The following USP45 variants were observed in gnomAD, a reference collection of about 807,000 sequenced individuals.
USP45 encodes ubiquitin carboxyl-terminal hydrolase 45.
In USP45, 89 loss-of-function variants were observed where a neutral mutation model predicts 95.8. That is an observed-to-expected ratio of 0.93 (90% CI 0.78 to 1.11). The LOEUF is 1.11. Ranked by LOEUF, USP45 falls within the 50% of genes least tolerant of loss-of-function variation. The pLI, the probability that USP45 is intolerant of heterozygous loss-of-function variation, is 0.00. For synonymous variants in USP45, 281 were observed against 316.2 expected (o/e 0.89, Z 1.18); for missense variants, 898 against 942.5 (o/e 0.95, Z 0.62).
chr6:99,435,901 T>G (rs1780374470), intron 17 of USP45, 55 bp from the exon 18 acceptor site: 6 of 1,515,268 alleles, frequency 4.0e-6, no homozygotes, highest in Non-Finnish European at 4.4e-6. Flanking sequence ...AGGTTCTTAC[T>G]CTAAATTACA....
chr6:99,467,425 G>A (rs1427200021), intron 10 of USP45, among the ~76,000 whole-genome samples: 2 of 151,802 alleles, frequency 1.3e-5, no homozygotes. Flanking sequence ...AACCATGGGA[G>A]GAAAAAGTAT....
chr6:99,502,752 C>T (rs1264382443), intron 5 of USP45, among the ~76,000 whole-genome samples: 1 of 152,222 alleles, frequency 6.6e-6, no homozygotes, highest in Non-Finnish European at 1.5e-5. Flanking sequence ...TTAGCTCCAT[C>T]ACTTTGGTGC....
chr6:99,502,042 T>C lies in USP45; in HGVS notation c.478+1723A>G, dbSNP rs1022165716. 10 of 1,287,984 alleles carry C rather than the reference T, an allele frequency of 7.8e-6. No individual in the cohort carries two copies. In the Admixed American group the frequency reaches 1.0e-4, roughly 13 times the overall value. The allele number at this position is 1,287,984 out of a possible 1,614,324, so 79.8% of individuals were successfully genotyped here. ...AAAGACCAACCATGTGATTAGAATG[T>C]TGGGGGCCTAGAGACTGAGTTAAAT... On this transcript the variant is annotated intron_variant, in intron 5 of 17. Transcript: ENST00000500704.
intron 5 of USP45, chr6:99,502,001 G>A (rs1325094110): frequency 3.1e-6 from 4 of 1,300,466 alleles, no homozygotes; most frequent in Non-Finnish European, 3.0e-6. Flanking sequence ...ATCAGGATGG[G>A]GCCTGGCCCT....
intron 1 of USP45, among the ~76,000 whole-genome samples, chr6:99,511,339 G>C (rs2128819221): frequency 6.6e-6 from 1 of 151,518 alleles, no homozygotes; most frequent in Admixed American, 6.6e-5. Context: ...ATTTTTAGTA[G>C]AGATAGGGTT....
Position 99,463,117 on chromosome 6 carries a change from G to A in USP45, c.1308+1487C>T, listed in dbSNP as rs182969615. ...CAGATTGATTTCTTTCCATTTTCAT[G>A]GGATAATACAACAGCCAGGTATGTC... On this transcript the variant is annotated intron_variant, in intron 13 of 17. Transcript: ENST00000500704. Among the ~76,000 whole-genome samples, 138 of 152,032 alleles carry A rather than the reference G, an allele frequency of 9.1e-4. 1 individual carries two copies. Among genetic ancestry groups the A allele is most frequent in the Non-Finnish European group, 1.8e-3 (120 of 67,984 alleles).
rs191025231 is a variant in USP45 at position 99,483,604 on chromosome 6, C to T, written c.715-721G>A. 9.5e-3 allele frequency among the ~76,000 whole-genome samples: 1,441 copies of T among 151,394 alleles called. 22 individuals are homozygous for T. Among genetic ancestry groups the T allele is most frequent in the African/African-American group, 0.033 (1,359 of 41,214 alleles). ...CTGTAATCCCAGCACTTTGGGAGGCCGAGGCGGGTGGATCATGAGGTCAGG... is the reference window on the plus strand; with the variant it reads ...CTGTAATCCCAGCACTTTGGGAGGCTGAGGCGGGTGGATCATGAGGTCAGG... On this transcript the variant is annotated intron_variant, in intron 7 of 17. Transcript: ENST00000500704.
chr6:99,461,497 G>C lies in USP45; in HGVS notation c.1308+3107C>G, dbSNP rs754340508. On this transcript the variant is annotated intron_variant, in intron 13 of 17. Coordinates refer to ENST00000500704, the MANE Select transcript of USP45 (RefSeq NM_001346022.3). ...AGAAATTGCACACACTAGTTTTACA[G>C]TGCTTTATTTAACTGGATTATTTGC... The C allele has an allele frequency of 8.8e-5, 87 of 985,236 alleles. No individual in the cohort carries two copies. The African/African-American group carries it at 1.3e-3, about 15-fold the overall frequency. The allele number at this position is 985,236 out of a possible 1,614,324, so 61.0% of individuals were successfully genotyped here. A position where few individuals can be genotyped will look rare whatever the true frequency, so the allele number is the denominator to read the frequency against.
intron 5 of USP45, 122 bp downstream of exon 5, chr6:99,503,643 T>C (rs1031631399): frequency 8.1e-5 from 56 of 687,856 alleles, no homozygotes; most frequent in Non-Finnish European, 1.2e-4. Flanking sequence ...ACTCATAATA[T>C]CTTTATTCAA....
chr6:99,516,779 GAAGAAC>G (rs1314113130), upstream of USP45, among the ~76,000 whole-genome samples: 1 of 152,132 alleles, frequency 6.6e-6, no homozygotes, highest in Non-Finnish European at 1.5e-5. Flanking sequence ...CTAGAACTTG[GAAGAAC>G]AAGAACAAGC....
At chr6:99,466,894 C>A in intron 10 of USP45, 131 bp from the exon 11 acceptor site, 1 of 640,848 alleles carries the variant, frequency 1.6e-6, no homozygotes, top group Admixed American at 3.0e-5. Flanking sequence ...ATACATTTTA[C>A]TATACATACA....
intron 5 of USP45, among the ~76,000 whole-genome samples, chr6:99,503,012 G>A (rs1189799294): frequency 6.6e-6 from 1 of 152,080 alleles, no homozygotes; most frequent in Non-Finnish European, 1.5e-5. Context: ...CCAATCTCGG[G>A]TATTTATAGA....
At chr6:99,501,882 C>T (rs2128778519) in intron 5 of USP45, 8 of 1,240,610 alleles carry the variant, frequency 6.4e-6, no homozygotes, top group Middle Eastern at 2.3e-4. Context: ...ATTTCCAGAG[C>T]GACAAGAGTG....
chr6:99,494,614 GCTGGGTGTGATGGCTCATGC>G (rs1201891543), intron 5 of USP45, among the ~76,000 whole-genome samples: 2 of 152,110 alleles, frequency 1.3e-5, no homozygotes, highest in Non-Finnish European at 2.9e-5. Context: ...TGAGTTCAAG[GCTGGGTGTGATGGCTCATGC>G]CTGTAATCCC....
At chr6:99,456,183 T>C (rs908130945) in intron 13 of USP45, among the ~76,000 whole-genome samples, 2 of 146,590 alleles carry the variant, frequency 1.4e-5, no homozygotes, top group African/African-American at 2.5e-5. Context: ...GAGAGTAGAA[T>C]GATAGATATC....
intron 1 of USP45, among the ~76,000 whole-genome samples, chr6:99,511,839 GTGTGTGTATATATATA>G (rs1799891985): frequency 9.4e-5 from 1 of 10,642 alleles, no homozygotes; most frequent in Admixed American, 1.3e-3. Flanking sequence ...ATGTATGTGA[GTGTGTGTATATATATA>G]TATATATATA....
intron 7 of USP45, among the ~76,000 whole-genome samples, chr6:99,484,941 A>T (rs1456128076): frequency 2.0e-5 from 3 of 152,184 alleles, no homozygotes; most frequent in Non-Finnish European, 4.4e-5. Flanking sequence ...TTAAACTTCA[A>T]GTACCAAGTT....
chr6:99,516,313 A>G (rs1383227572), upstream of USP45, among the ~76,000 whole-genome samples: 1 of 152,254 alleles, frequency 6.6e-6, no homozygotes, highest in Non-Finnish European at 1.5e-5. Context: ...TGTTTCAATC[A>G]TGGATATTGC....
chr6:99,440,727 T>G (rs1424329440), intron 15 of USP45, among the ~76,000 whole-genome samples: 1 of 152,200 alleles, frequency 6.6e-6, no homozygotes, highest in African/African-American at 2.4e-5. Flanking sequence ...ACCTACTGAT[T>G]TGTTTTTTCA....
Sources: allele counts gnomAD v4.1 joint callset (sites outside exome capture counted in the v4.1 genomes callset), GRCh38; gene constraint gnomAD v4.1.1; transcripts MANE v1.5; gene names NCBI Gene and HGNC (gene_info 2026-07-23, HGNC 2026-07-21).